MYO1E: variants seen among roughly 807,000 people sequenced by gnomAD.
MYO1E encodes the protein myosin IE.
MYO1E carries 68 observed loss-of-function variants against 151.1 expected under a neutral mutation model. The ratio of observed to expected loss-of-function variants is 0.45; its 90% CI spans 0.37 to 0.55. MYO1E has a LOEUF of 0.55. Among genes scored for constraint, MYO1E ranks in the 20% least tolerant of loss-of-function variants. MYO1E has a pLI of 0.00. For missense variants in MYO1E, 1,363 were observed against 1,389.3 expected (o/e 0.98, Z 0.30); for synonymous variants, 601 against 501.7 (o/e 1.20, Z -2.64).
intron 18 of MYO1E, among the ~76,000 whole-genome samples, chr15:59,183,370 T>G (rs2079676246): frequency 6.6e-6 from 1 of 151,672 alleles, no homozygotes; most frequent in African/African-American, 2.4e-5. Context: ...TTTCTTGTTT[T>G]CTTGAGACAC....
chr15:59,282,072 C>T (rs2080356105), intron 1 of MYO1E, among the ~76,000 whole-genome samples: 1 of 152,216 alleles, frequency 6.6e-6, no homozygotes, highest in Admixed American at 6.5e-5. Flanking sequence ...CCTGGGGACA[C>T]ACTGGCATTC....
At chr15:59,195,345 G>T in intron 17 of MYO1E, 116 bp downstream of exon 17, 1 of 905,878 alleles carries the variant, frequency 1.1e-6, no homozygotes, top group African/African-American at 1.6e-5. Flanking sequence ...AGATGCAAGG[G>T]CATGACAAAG....
At chr15:59,258,073 G>C (rs1258242072) in intron 3 of MYO1E, among the ~76,000 whole-genome samples, 2 of 152,174 alleles carry the variant, frequency 1.3e-5, no homozygotes, top group Non-Finnish European at 2.9e-5. Context: ...GTGAGGGCTG[G>C]CCCTGGCTCA....
chr15:59,279,741 C>T (rs12441355), intron 1 of MYO1E, among the ~76,000 whole-genome samples: 73,817 of 152,046 alleles, frequency 0.49, 19,763 homozygotes, highest in Non-Finnish European at 0.6. Flanking sequence ...GCAACATTGG[C>T]TGAGTGGGTT....
At chr15:59,304,188 G>A (rs2080501347) in intron 1 of MYO1E, among the ~76,000 whole-genome samples, 1 of 152,012 alleles carries the variant, frequency 6.6e-6, no homozygotes, top group South Asian at 2.1e-4. Flanking sequence ...TCACCATGTT[G>A]GTCAAGCTGG....
rs146027410 is a variant in MYO1E at position 59,253,666 on chromosome 15, G to C, written c.332+2618C>G. Among the ~76,000 whole-genome samples the C allele has an allele frequency of 6.3e-3, 954 of 152,056 alleles. 14 individuals carry two copies. Among genetic ancestry groups the C allele is most frequent in the African/African-American group, 0.022 (902 of 41,480 alleles). ...CCGGCTAATTTTTTGTATTTTAGTA[G>C]AGATGGGGTTTCACCATGTTGGCCA... On this transcript the variant is annotated intron_variant, in intron 4 of 27. Transcript: ENST00000288235.
chr15:59,361,600 G>C (rs922147676), intron 1 of MYO1E, among the ~76,000 whole-genome samples: 1 of 152,100 alleles, frequency 6.6e-6, no homozygotes, highest in Non-Finnish European at 1.5e-5. Flanking sequence ...AGAATTATAT[G>C]TATTTTTTCA....
chr15:59,282,064 T>C (rs1463303516), intron 1 of MYO1E, among the ~76,000 whole-genome samples: 1 of 152,222 alleles, frequency 6.6e-6, no homozygotes, highest in Non-Finnish European at 1.5e-5. Flanking sequence ...GTTCCACACC[T>C]GGGGACACAC....
At chr15:59,186,405 T>TAAAA (rs71425847) in intron 18 of MYO1E, among the ~76,000 whole-genome samples, 1 of 142,092 alleles carries the variant, frequency 7.0e-6, no homozygotes, top group Non-Finnish European at 1.5e-5. Flanking sequence ...ATCTGAATTT[T>TAAAA]AAAAAAAAAA....
At chr15:59,196,441 G>A (rs932463626) in intron 16 of MYO1E, among the ~76,000 whole-genome samples, 6 of 152,088 alleles carry the variant, frequency 3.9e-5, no homozygotes, top group Non-Finnish European at 5.9e-5. Flanking sequence ...CCAAGGATGT[G>A]GCACACATGC....
At chr15:59,170,579 T>C (rs2079587080) in intron 22 of MYO1E, among the ~76,000 whole-genome samples, 1 of 150,300 alleles carries the variant, frequency 6.7e-6, no homozygotes, top group African/African-American at 2.5e-5. Context: ...AGTCAGCGCC[T>C]AGAGCTTTAA....
intron 1 of MYO1E, among the ~76,000 whole-genome samples, chr15:59,331,276 C>T (rs2080696444): frequency 6.6e-6 from 1 of 152,140 alleles, no homozygotes; most frequent in Non-Finnish European, 1.5e-5. Context: ...TTGCTCAGTC[C>T]ACAGGTGGAC....
At chr15:59,265,660 T>C (rs1267399647) in intron 2 of MYO1E, among the ~76,000 whole-genome samples, 2 of 151,972 alleles carry the variant, frequency 1.3e-5, no homozygotes, top group Non-Finnish European at 2.9e-5. Context: ...ACCTAAAAAA[T>C]AAAGTTTGGT....
Position 59,188,201 on chromosome 15 carries a change from G to T in MYO1E, c.1821C>A (p.Val607=). ...DWEESRVKHQ[V]EYLGLKENIR... is the part of the protein sequence containing the mutation. ...TGTTCTCTTTCAGACCCAAATATTCGACTTGATGCTTTACCCTGTGCAAAG... is the reference window on the plus strand; with the variant it reads ...TGTTCTCTTTCAGACCCAAATATTCTACTTGATGCTTTACCCTGTGCAAAG... The change falls in exon 18 of 28, where the codon GTC becomes GTA. Residue 607 remains valine (V), a synonymous_variant. Coordinates refer to ENST00000288235, the MANE Select transcript of MYO1E (RefSeq NM_004998.4). 1 of 1,613,794 alleles carries T rather than the reference G, an allele frequency of 6.2e-7. No homozygotes were observed. The highest frequency in any genetic ancestry group is 1.1e-5 in the South Asian group (1 of 91,054).
At chr15:59,368,719 C>T (rs2080928522) in intron 1 of MYO1E, among the ~76,000 whole-genome samples, 1 of 152,024 alleles carries the variant, frequency 6.6e-6, no homozygotes, top group African/African-American at 2.4e-5. Flanking sequence ...GCACTCCAGC[C>T]CGGGCGACAG....
intron 22 of MYO1E, among the ~76,000 whole-genome samples, chr15:59,166,688 G>C (rs534594741): frequency 9.2e-5 from 14 of 152,238 alleles, no homozygotes; most frequent in African/African-American, 3.4e-4. Context: ...GAATCAAGAA[G>C]AAAATAAACC....
At chr15:59,355,173 C>G (rs1478547927) in intron 1 of MYO1E, among the ~76,000 whole-genome samples, 1 of 152,180 alleles carries the variant, frequency 6.6e-6, no homozygotes, top group Admixed American at 6.5e-5. Flanking sequence ...AATACAAACA[C>G]AAACCATGAG....
chr15:59,359,301 GTA>G (rs1166235701), intron 1 of MYO1E, among the ~76,000 whole-genome samples: 6 of 143,590 alleles, frequency 4.2e-5, no homozygotes, highest in Admixed American at 7.1e-5. Context: ...ATATGTATGT[GTA>G]TATATATATA....
intron 13 of MYO1E, 143 bp downstream of exon 13, chr15:59,210,371 A>G (rs572058664): frequency 4.4e-6 from 3 of 684,312 alleles, no homozygotes; most frequent in East Asian, 2.7e-5. Flanking sequence ...CTTTTCACAC[A>G]TACAGAAAAC....
Sources: allele counts gnomAD v4.1 joint callset (sites outside exome capture counted in the v4.1 genomes callset), GRCh38; gene constraint gnomAD v4.1.1; transcripts MANE v1.5; gene names NCBI Gene and HGNC (gene_info 2026-07-23, HGNC 2026-07-21).